Variants in ZNRF2 observed in about 807,000 individuals in gnomAD.
The protein encoded by ZNRF2 is zinc and ring finger 2, also known as E3 ubiquitin-protein ligase ZNRF2.
A neutral mutation model predicts 20.4 loss-of-function variants in ZNRF2; 16 were observed. The ratio of observed to expected loss-of-function variants is 0.79; its 90% CI spans 0.53 to 1.19. The LOEUF (loss-of-function observed/expected upper bound fraction) is 1.19, where lower values mean the gene tolerates loss of function less well. Among genes scored for constraint, ZNRF2 ranks in the 50% most tolerant of loss-of-function variants. The pLI is 0.00. For missense variants in ZNRF2, 363 were observed against 332.4 expected, an observed-to-expected ratio of 1.09 and a Z score of -0.72; for synonymous variants, 178 against 144.9, an observed-to-expected ratio of 1.23 and a Z score of -1.64.
chr7:30,365,146 GCTTT>G (rs1379638831), intron 4 of ZNRF2, among the ~76,000 whole-genome samples: 38 of 109,806 alleles, frequency 3.5e-4, no homozygotes, highest in African/African-American at 1.3e-3. Context: ...GAGCTGATAA[GCTTT>G]TTTTTTTTTT....
chr7:30,303,693 C>T (rs966780577), intron 1 of ZNRF2, among the ~76,000 whole-genome samples: 3 of 152,142 alleles, frequency 2.0e-5, no homozygotes, highest in Non-Finnish European at 4.4e-5. Flanking sequence ...AACTGAATTA[C>T]CCACTGTAGC....
chr7:30,346,082 A>AT lies in ZNRF2; in HGVS notation c.566-9640dup, dbSNP rs368077717. ...TTCTGAGCTATTAGACGCCCAAAAT[A>AT]TTTTTTCATTTGCCTTTACATATGA... On this transcript the variant is annotated intron_variant, in intron 2 of 4. Coordinates refer to ENST00000323037, the MANE Select transcript of ZNRF2 (RefSeq NM_147128.4). Among the ~76,000 whole-genome samples the AT allele has an allele frequency of 2.6e-3, 304 of 114,926 alleles. 1 individual carries two copies. The highest frequency in any genetic ancestry group is 0.014 in the Middle Eastern group (2 of 146). The allele number at this position is 114,926 out of a possible 152,430, so 75.4% of individuals were successfully genotyped here. A position where few individuals can be genotyped will look rare whatever the true frequency, so the allele number is the denominator to read the frequency against.
At chr7:30,301,218 C>G (rs1178517365) in intron 1 of ZNRF2, among the ~76,000 whole-genome samples, 1 of 152,152 alleles carries the variant, frequency 6.6e-6, no homozygotes. Flanking sequence ...TGCCGTGGCT[C>G]AAGCCTGTAA....
chr7:30,351,815 G>GT (rs954190835), intron 2 of ZNRF2, among the ~76,000 whole-genome samples: 12 of 151,928 alleles, frequency 7.9e-5, no homozygotes, highest in Non-Finnish European at 1.2e-4. Context: ...AAAAGTACAC[G>GT]TTTTTAATCC....
chr7:30,356,652 A>G (rs1235053004), intron 3 of ZNRF2, among the ~76,000 whole-genome samples: 1 of 151,592 alleles, frequency 6.6e-6, no homozygotes, highest in Non-Finnish European at 1.5e-5. Flanking sequence ...AAAAAGCATT[A>G]TTAGGGATAG....
intron 1 of ZNRF2, among the ~76,000 whole-genome samples, 182 bp downstream of exon 1, chr7:30,286,008 C>A (rs111864283): frequency 0.018 from 2,748 of 152,318 alleles, 31 homozygotes; most frequent in South Asian, 0.038. Context: ...CCGGCGGTGC[C>A]GCTACCGCAT....
Position 30,300,090 on chromosome 7 carries a change from CT to C in ZNRF2, c.469+14269del, listed in dbSNP as rs1236982820. Among the ~76,000 whole-genome samples the C allele has an allele frequency of 2.0e-5, 3 of 149,654 alleles. No homozygotes were observed. The East Asian group carries it at 5.9e-4, about 30-fold the overall frequency. On this transcript the variant is annotated intron_variant, in intron 1 of 4. Coordinates refer to ENST00000323037, the MANE Select transcript of ZNRF2 (RefSeq NM_147128.4). ...TGAGCCATCCCGGCCGTAAAACCTG[CT>C]TTTTCTCCATAACATATATTTAGAG... is the stretch of plus-strand genomic sequence containing the variant.
chr7:30,331,925 A>T (rs1163696497), intron 2 of ZNRF2, among the ~76,000 whole-genome samples: 2 of 152,212 alleles, frequency 1.3e-5, no homozygotes, highest in Non-Finnish European at 2.9e-5. Flanking sequence ...AAATGGTCAT[A>T]TAAGAAATTT....
chr7:30,360,142 A>G (rs751827480), intron 3 of ZNRF2, among the ~76,000 whole-genome samples: 2 of 152,220 alleles, frequency 1.3e-5, no homozygotes, highest in Admixed American at 6.5e-5. Context: ...AGACAGTGCT[A>G]CTATTCAAAG....
chr7:30,313,758 A>C (rs1799325338), intron 1 of ZNRF2, among the ~76,000 whole-genome samples: 1 of 151,854 alleles, frequency 6.6e-6, no homozygotes, highest in South Asian at 2.1e-4. Context: ...AAAACTACTT[A>C]ACCTCCCTGT....
chr7:30,307,827 T>C (rs1562607778), intron 1 of ZNRF2, among the ~76,000 whole-genome samples: 1 of 152,182 alleles, frequency 6.6e-6, no homozygotes, highest in Non-Finnish European at 1.5e-5. Flanking sequence ...AGGCCAGATT[T>C]AGTGTGTTAA....
At chr7:30,359,365 C>T (rs1220823435) in intron 3 of ZNRF2, among the ~76,000 whole-genome samples, 1 of 152,134 alleles carries the variant, frequency 6.6e-6, no homozygotes, top group Non-Finnish European at 1.5e-5. Context: ...GATTGTTTTT[C>T]AACACACATA....
chr7:30,327,792 C>A (rs1368426740), intron 2 of ZNRF2, among the ~76,000 whole-genome samples: 1 of 151,980 alleles, frequency 6.6e-6, no homozygotes, highest in Non-Finnish European at 1.5e-5. Flanking sequence ...GCCTCAAACT[C>A]CTGGGCACAA....
intron 2 of ZNRF2, among the ~76,000 whole-genome samples, chr7:30,352,740 G>T (rs1176888950): frequency 1.3e-5 from 2 of 152,000 alleles, no homozygotes; most frequent in African/African-American, 4.8e-5. Flanking sequence ...AGATATTCCA[G>T]TTCTGAAGTG....
Position 30,367,167 on chromosome 7 carries a change from T to C in ZNRF2, c.*1155T>C, listed in dbSNP as rs891921490. ...GATAAATGATTTTTTAAAGTAGATATGAAGATTTTGTTAATTTATAATTTA... is the reference window on the plus strand; with the variant it reads ...GATAAATGATTTTTTAAAGTAGATACGAAGATTTTGTTAATTTATAATTTA... On this transcript the variant is annotated 3_prime_UTR_variant, in exon 5 of 5. Coordinates refer to ENST00000323037, the MANE Select transcript of ZNRF2 (RefSeq NM_147128.4). The C allele has an allele frequency of 6.6e-6, 1 of 152,552 alleles. No homozygotes were observed. Among genetic ancestry groups the C allele is most frequent in the African/African-American group, 2.4e-5 (1 of 41,472 alleles). 9.4% of individuals were successfully genotyped at this position (152,552 alleles called of 1,614,324 possible). A position where few individuals can be genotyped will look rare whatever the true frequency, so the allele number is the denominator to read the frequency against.
At chr7:30,315,422 TA>T (rs1028156820) in intron 1 of ZNRF2, among the ~76,000 whole-genome samples, 2 of 152,072 alleles carry the variant, frequency 1.3e-5, no homozygotes, top group African/African-American at 2.4e-5. Context: ...CTGCAGAGTG[TA>T]GTGAAAAGAG....
At chr7:30,355,454 C>A (rs946639215) in intron 2 of ZNRF2, among the ~76,000 whole-genome samples, 1 of 152,066 alleles carries the variant, frequency 6.6e-6, no homozygotes, top group East Asian at 1.9e-4. Flanking sequence ...AGAGCAAAAT[C>A]TGCCCAATTT....
chr7:30,356,522 A>T (rs568864842), intron 3 of ZNRF2, among the ~76,000 whole-genome samples: 73 of 152,290 alleles, frequency 4.8e-4, no homozygotes, highest in Middle Eastern at 3.4e-3. Context: ...TAAACAACAC[A>T]TTTGAACATA....
At chr7:30,316,628 C>T (rs1013697833) in intron 1 of ZNRF2, among the ~76,000 whole-genome samples, 1 of 152,124 alleles carries the variant, frequency 6.6e-6, no homozygotes, top group Non-Finnish European at 1.5e-5. Context: ...AATTTTATTT[C>T]AGATATTTTT....
Sources: gnomAD v4.1 joint callset for allele counts (sites outside exome capture counted in the v4.1 genomes callset) on GRCh38, gnomAD v4.1.1 for gene constraint, MANE v1.5 for transcripts, NCBI Gene and HGNC (gene_info 2026-07-23, HGNC 2026-07-21) for gene names.